Variants in UNC5C observed in about 807,000 individuals in gnomAD.
UNC5C encodes unc-5 netrin receptor C, also known as netrin receptor UNC5C.
Under a neutral mutation model 99.8 loss-of-function variants are expected in UNC5C, and 47 were observed. The observed-to-expected ratio is 0.47, with a 90% confidence interval of 0.37 to 0.60. UNC5C has a LOEUF of 0.60. Among genes scored for constraint, UNC5C ranks in the 20% least tolerant of loss-of-function variants. UNC5C has a pLI of 0.00. For missense variants in UNC5C, 1,062 were observed against 1,165.9 expected (o/e 0.91, Z 1.30); for synonymous variants, 487 against 452.2 (o/e 1.08, Z -0.98).
intron 1 of UNC5C, among the ~76,000 whole-genome samples, chr4:95,525,198 G>A (rs1722465514): frequency 6.6e-6 from 1 of 152,120 alleles, no homozygotes; most frequent in African/African-American, 2.4e-5. Context: ...CTGGCCTAAT[G>A]CATTAGTTCT....
chr4:95,310,868 C>A lies in UNC5C; in HGVS notation c.347-9119G>T, dbSNP rs142236552. ...CAACTATAGATCAACGCACGGTTTT[C>A]TGCCTTAAAACTTGAAATTTTAATT... On this transcript the variant is annotated intron_variant, in intron 2 of 15. Transcript: ENST00000453304. Among the ~76,000 whole-genome samples, 1,088 of 152,212 alleles carry A rather than the reference C, an allele frequency of 7.1e-3. 13 individuals carry two copies. The highest frequency in any genetic ancestry group is 0.025 in the African/African-American group (1,036 of 41,518).
At chr4:95,261,944 C>G (rs748878208) in intron 4 of UNC5C, among the ~76,000 whole-genome samples, 2 of 152,176 alleles carry the variant, frequency 1.3e-5, no homozygotes, top group Admixed American at 6.5e-5. Flanking sequence ...ACTTCATGAT[C>G]TGCCGGCCTC....
At chr4:95,252,295 C>T (rs1349265507) in intron 4 of UNC5C, among the ~76,000 whole-genome samples, 1 of 152,118 alleles carries the variant, frequency 6.6e-6, no homozygotes, top group African/African-American at 2.4e-5. Context: ...GTTATCTATG[C>T]CCTTCTAAAG....
chr4:95,229,057 C>T (rs1738800889), intron 7 of UNC5C, among the ~76,000 whole-genome samples: 1 of 152,062 alleles, frequency 6.6e-6, no homozygotes. Context: ...TCATTTCCCT[C>T]AAAAATGATG....
chr4:95,252,158 C>T (rs1739770761), intron 4 of UNC5C, among the ~76,000 whole-genome samples: 1 of 152,148 alleles, frequency 6.6e-6, no homozygotes. Flanking sequence ...ACGTTTCACC[C>T]TATGTGTGGA....
intron 1 of UNC5C, among the ~76,000 whole-genome samples, chr4:95,352,792 G>A (rs778432199): frequency 2.0e-5 from 3 of 152,108 alleles, no homozygotes; most frequent in Non-Finnish European, 4.4e-5. Context: ...CAGGACTCAA[G>A]TTGAGGTCCT....
intron 7 of UNC5C, among the ~76,000 whole-genome samples, chr4:95,224,838 G>A (rs555154755): frequency 3.5e-5 from 5 of 140,914 alleles, no homozygotes; most frequent in Non-Finnish European, 7.6e-5. Flanking sequence ...GCCAACTTAG[G>A]GAATTAAGGA....
chr4:95,475,294 C>A (rs111351998), intron 1 of UNC5C, among the ~76,000 whole-genome samples: 10 of 152,180 alleles, frequency 6.6e-5, no homozygotes, highest in African/African-American at 2.4e-4. Context: ...AACACGGAAT[C>A]TGAATCCAAG....
intron 1 of UNC5C, among the ~76,000 whole-genome samples, chr4:95,410,738 T>C (rs1330045357): frequency 6.6e-6 from 1 of 152,144 alleles, no homozygotes; most frequent in Non-Finnish European, 1.5e-5. Flanking sequence ...ACACTAGAGA[T>C]GATGGCCTTC....
At chr4:95,196,142 C>G (rs529867356) in intron 12 of UNC5C, among the ~76,000 whole-genome samples, 2 of 152,146 alleles carry the variant, frequency 1.3e-5, no homozygotes, top group African/African-American at 4.8e-5. Context: ...TATGTTTCTC[C>G]TAGGTGTTTT....
At chr4:95,349,320 A>AGG (rs758307831) in intron 1 of UNC5C, among the ~76,000 whole-genome samples, 17 of 57,290 alleles carry the variant, frequency 3.0e-4, no homozygotes, top group South Asian at 1.6e-3. Context: ...TGAGAGAGAA[A>AGG]GGGTGTGTGT....
intron 1 of UNC5C, among the ~76,000 whole-genome samples, chr4:95,382,402 T>A (rs1048102289): frequency 6.6e-6 from 1 of 150,420 alleles, no homozygotes; most frequent in African/African-American, 2.5e-5. Context: ...GTGGCTGCAG[T>A]GAGCTGAGAC....
intron 7 of UNC5C, among the ~76,000 whole-genome samples, chr4:95,228,899 G>A (rs1334958978): frequency 1.3e-5 from 2 of 152,154 alleles, no homozygotes; most frequent in Non-Finnish European, 2.9e-5. Context: ...TGTTACAAGT[G>A]TGGGGCAAGC....
chr4:95,320,369 C>T (rs933276255), intron 2 of UNC5C, among the ~76,000 whole-genome samples: 9 of 135,328 alleles, frequency 6.7e-5, no homozygotes, highest in Admixed American at 1.7e-4. Flanking sequence ...TTGCAGTGAG[C>T]GGAGATCATG....
At chr4:95,177,750 G>A (rs963679168) in intron 14 of UNC5C, among the ~76,000 whole-genome samples, 1 of 152,118 alleles carries the variant, frequency 6.6e-6, no homozygotes, top group Non-Finnish European at 1.5e-5. Context: ...CACCCAGGCT[G>A]GAGTGCCATG....
chr4:95,396,072 C>G (rs1745500175), intron 1 of UNC5C, among the ~76,000 whole-genome samples: 1 of 152,152 alleles, frequency 6.6e-6, no homozygotes, highest in African/African-American at 2.4e-5. Flanking sequence ...TAACAGATAA[C>G]CAATAACGAG....
chr4:95,243,485 T>G (rs907226547), intron 6 of UNC5C, among the ~76,000 whole-genome samples: 4 of 152,208 alleles, frequency 2.6e-5, no homozygotes, highest in African/African-American at 4.8e-5. Flanking sequence ...AATAAGAGCT[T>G]TAAAATATTA....
chr4:95,177,101 T>C (rs573510371), intron 14 of UNC5C, among the ~76,000 whole-genome samples: 1 of 152,280 alleles, frequency 6.6e-6, no homozygotes, highest in East Asian at 1.9e-4. Flanking sequence ...CTCCTTCGGC[T>C]CACGCACGGT....
intron 1 of UNC5C, among the ~76,000 whole-genome samples, chr4:95,460,351 GC>G (rs1747564915): frequency 6.6e-6 from 1 of 152,070 alleles, no homozygotes; most frequent in Non-Finnish European, 1.5e-5. Context: ...TTAGCAACAT[GC>G]TTATCTTCCT....
Sources: allele counts gnomAD v4.1 joint callset (sites outside exome capture counted in the v4.1 genomes callset), GRCh38; gene constraint gnomAD v4.1.1; transcripts MANE v1.5; gene names NCBI Gene and HGNC (gene_info 2026-07-23, HGNC 2026-07-21).